Variants in ZIM2 observed in about 807,000 individuals in gnomAD.
The protein encoded by ZIM2 is zinc finger imprinted 2.
A neutral mutation model predicts 38.6 loss-of-function variants in ZIM2; 14 were observed. The observed-to-expected ratio is 0.36, with a 90% confidence interval of 0.24 to 0.57. ZIM2 has a LOEUF of 0.57. Ranked by LOEUF, ZIM2 falls within the 20% of genes least tolerant of loss-of-function variation. The pLI, the probability that ZIM2 is intolerant of heterozygous loss-of-function variation, is 0.81. For missense variants in ZIM2, 680 were observed against 695.1 expected (o/e 0.98, Z 0.24); for synonymous variants, 247 against 245.8 (o/e 1.00, Z -0.04).
chr19:56,831,507 C>T (rs1245684480), intron 2 of ZIM2, among the ~76,000 whole-genome samples: 1 of 152,200 alleles, frequency 6.6e-6, no homozygotes, highest in Non-Finnish European at 1.5e-5. Context: ...GGAGCCTCCC[C>T]TAAGAAATTA....
intron 9 of ZIM2, among the ~76,000 whole-genome samples, chr19:56,790,839 A>T (rs1264029824): frequency 1.3e-5 from 2 of 152,174 alleles, no homozygotes; most frequent in Admixed American, 1.3e-4. Flanking sequence ...TCTTGTGAGA[A>T]TTAAACATTA....
rs1411969004 is a variant in ZIM2 at position 56,779,462 on chromosome 19, G to A, written c.750C>T (p.Phe250=). ...GGCGTGAGATAATGTCAGGTTTAGAGAACTGGTGCCCTGTTGGAGAGGAAG... is the reference window on the plus strand; with the variant it reads ...GGCGTGAGATAATGTCAGGTTTAGAAAACTGGTGCCCTGTTGGAGAGGAAG... ...YRNLVSLGHQ[F]SKPDIISRLE... Residue 250 remains phenylalanine, a synonymous_variant, in exon 12 of 13, where the codon TTC becomes TTT. Coordinates refer to ENST00000629319, the MANE Select transcript of ZIM2 (RefSeq NM_001387356.1). 6 of 1,613,696 alleles carry A rather than the reference G, an allele frequency of 3.7e-6. No individual in the cohort carries two copies. Among genetic ancestry groups the A allele is most frequent in the Non-Finnish European group, 5.1e-6 (6 of 1,179,866 alleles).
chr19:56,814,010 CTCCCTCTGGCTCTTCAGCTTT>C lies in ZIM2; in HGVS notation c.490+3715_490+3735del, dbSNP rs767110557. On this transcript the variant is annotated intron_variant, in intron 9 of 12. Transcript: ENST00000629319. This position sits in a 1 kb window ranked among gnomAD's most constrained non-coding sequence, Gnocchi z 5.8. ...CCCACACCGTCAGGCTCGTCGGCAT[CTCCCTCTGGCTCTTCAGCTTT>C]TCCCTCTGGCTCTTCAGCTCTTTCT... The C allele has an allele frequency of 2.6e-4, 418 of 1,614,158 alleles. No homozygotes were observed. Among genetic ancestry groups the C allele is most frequent in the South Asian group, 4.0e-4 (36 of 91,080 alleles).
chr19:56,777,222 A>C (rs2046067708), intron 12 of ZIM2, among the ~76,000 whole-genome samples: 1 of 152,206 alleles, frequency 6.6e-6, no homozygotes, highest in Non-Finnish European at 1.5e-5. Flanking sequence ...GTCATCAGGA[A>C]AAGAGGGATA....
At chr19:56,799,023 A>G (rs1384268335) in intron 9 of ZIM2, 1 of 152,234 alleles carries the variant, frequency 6.6e-6, no homozygotes, top group Non-Finnish European at 1.5e-5. Context: ...TGGAGTATAA[A>G]TTAGTTCTAC....
chr19:56,824,754 A>C (rs1018558860), intron 3 of ZIM2: 2 of 1,171,292 alleles, frequency 1.7e-6, no homozygotes, highest in African/African-American at 3.1e-5. Flanking sequence ...GTGGATCGTA[A>C]GGAGATATAC....
intron 9 of ZIM2, among the ~76,000 whole-genome samples, chr19:56,800,498 T>C (rs1266654084): frequency 1.3e-5 from 2 of 152,182 alleles, no homozygotes; most frequent in South Asian, 2.1e-4. Flanking sequence ...TGCAATAATA[T>C]ATAACTCTGT....
At chr19:56,775,648 T>A in intron 12 of ZIM2, 119 bp from the exon 13 acceptor site, 1 of 1,465,136 alleles carries the variant, frequency 6.8e-7, no homozygotes, top group Non-Finnish European at 9.0e-7. Context: ...AGGTCTCTTT[T>A]CCTAATCTGA....
chr19:56,804,404 T>G (rs2047662813), intron 9 of ZIM2, among the ~76,000 whole-genome samples: 1 of 152,246 alleles, frequency 6.6e-6, no homozygotes, highest in Non-Finnish European at 1.5e-5. Context: ...CTTCCATTAC[T>G]GAAGCTACTT....
In ZIM2 at chr19:56,803,435, T is replaced by C. The variant is rs1265939320; in HGVS notation, c.491-13484A>G. Among the ~76,000 whole-genome samples, 4 of 152,316 alleles carry C rather than the reference T, an allele frequency of 2.6e-5. No individual in the cohort carries two copies. The East Asian group carries it at 7.7e-4, about 29-fold the overall frequency. On this transcript the variant is annotated intron_variant, in intron 9 of 12. Coordinates refer to ENST00000629319, the MANE Select transcript of ZIM2 (RefSeq NM_001387356.1). ...GTGCTATGTTCTCTCCCACTGAAGT[T>C]ATACAAGCCAGCGCTCTCTTGCCAG... is the stretch of plus-strand genomic sequence containing the variant.
intron 10 of ZIM2, 138 bp from the exon 11 acceptor site, chr19:56,782,259 G>A (rs2145862245): frequency 8.4e-7 from 1 of 1,188,546 alleles, no homozygotes; most frequent in African/African-American, 1.5e-5. Context: ...GTCTTATCGA[G>A]TCTGAGAGAA....
intron 9 of ZIM2, among the ~76,000 whole-genome samples, chr19:56,805,485 A>C (rs2047714716): frequency 6.6e-6 from 1 of 152,132 alleles, no homozygotes; most frequent in South Asian, 2.1e-4. Flanking sequence ...GCTTTATCTA[A>C]GTGTCTCCCA....
At chr19:56,824,206 C>T (rs1203551602) in intron 4 of ZIM2, 56 bp downstream of exon 4, 5 of 1,578,788 alleles carry the variant, frequency 3.2e-6, no homozygotes, top group African/African-American at 2.7e-5. Context: ...AGGCTGAGAG[C>T]CCCAGGGGAC....
intron 1 of ZIM2, among the ~76,000 whole-genome samples, chr19:56,837,078 G>A (rs2062217459): frequency 6.6e-6 from 1 of 150,752 alleles, no homozygotes; most frequent in Non-Finnish European, 1.5e-5. Context: ...GCTGACTTAA[G>A]ATCTCCTTGG....
chr19:56,774,999 C>T lies in ZIM2; in HGVS notation c.1366G>A (p.Val456Met), dbSNP rs1232375448. 1 of 1,614,184 alleles carries T rather than the reference C, an allele frequency of 6.2e-7. No individual in the cohort carries two copies. Among genetic ancestry groups the T allele is most frequent in the East Asian group, 2.2e-5 (1 of 44,872 alleles). ...FQCGKAFLQN[V>M]HLLQHLKAHE... ...GCTTTGAGATGTTGAAGAAGATGCA[C>T]ATTCTGGAGAAAAGCTTTGCCGCAC... Residue 456 changes from valine (V) to methionine (M), a missense_variant, in exon 13 of 13, where the codon GTG becomes ATG. Transcript: ENST00000629319.
chr19:56,823,051 G>A (rs1424463471), intron 5 of ZIM2, among the ~76,000 whole-genome samples: 2 of 152,190 alleles, frequency 1.3e-5, no homozygotes, highest in Admixed American at 1.3e-4. Flanking sequence ...AGTGGGGCTT[G>A]CTTCCAAGCA....
rs574089044 is a variant in ZIM2 at position 56,824,608 on chromosome 19, C to T, written c.-150-181G>A. On this transcript the variant is annotated intron_variant, in intron 3 of 12. Transcript: ENST00000629319. ...TGTCTAGCTCATACAGATTTGGGGC[C>T]CAGGACTTCTTAGGTTTGGTGGCAG... is the stretch of plus-strand genomic sequence containing the variant. 650 of 1,609,906 alleles carry T rather than the reference C, an allele frequency of 4.0e-4. 5 individuals carry two copies. The African/African-American group carries it at 7.0e-3, about 17-fold the overall frequency.
chr19:56,813,564 C>T, intron 9 of ZIM2: 4 of 1,459,876 alleles, frequency 2.7e-6, no homozygotes, highest in Middle Eastern at 2.5e-4. Context: ...AGGTGTGTAA[C>T]ACACTAAGGT....
At chr19:56,782,776 G>A (rs1201491542) in intron 10 of ZIM2, among the ~76,000 whole-genome samples, 1 of 152,066 alleles carries the variant, frequency 6.6e-6, no homozygotes, top group Non-Finnish European at 1.5e-5. Context: ...TACATGAGAT[G>A]CTTTGATACA....
Sources: allele counts gnomAD v4.1 joint callset (sites outside exome capture counted in the v4.1 genomes callset), GRCh38; gene constraint gnomAD v4.1.1; non-coding constraint Gnocchi (gnomAD v3.1); transcripts MANE v1.5; gene names NCBI Gene and HGNC (gene_info 2026-07-23, HGNC 2026-07-21).